CACNB3: variants seen among roughly 807,000 people sequenced by gnomAD.
CACNB3 encodes calcium voltage-gated channel auxiliary subunit beta 3, also known as voltage-dependent L-type calcium channel subunit beta-3.
CACNB3 carries 36 observed loss-of-function variants against 63.7 expected under a neutral mutation model. The observed-to-expected ratio is 0.57, with a 90% CI of 0.43 to 0.75. The LOEUF is 0.75. Among genes scored for constraint, CACNB3 ranks in the 30% least tolerant of loss-of-function variants. The probability of loss-of-function intolerance (pLI) is 0.00; values close to 1 mark genes in which losing one functional copy is unlikely to be tolerated. For missense variants in CACNB3, 493 were observed against 648.6 expected, an observed-to-expected ratio of 0.76 and a Z score of 2.61; for synonymous variants, 241 against 250.6, an observed-to-expected ratio of 0.96 and a Z score of 0.36.
upstream of CACNB3, chr12:48,816,741 A>C: frequency 1.9e-6 from 1 of 538,516 alleles, no homozygotes; most frequent in Non-Finnish European, 2.4e-6. Context: ...AGTGCTGCCG[A>C]TGGCAGATCC....
At position 48,818,749 on chromosome 12, in the gene CACNB3, T is replaced by C; in HGVS notation, c.-181T>C. 1 of 1,325,910 alleles carries C rather than the reference T, an allele frequency of 7.5e-7. No individual in the cohort carries two copies. The highest frequency in any genetic ancestry group is 2.0e-5 in the South Asian group (1 of 50,580). 82.1% of individuals were successfully genotyped at this position (1,325,910 alleles called of 1,614,324 possible). On this transcript the variant is annotated 5_prime_UTR_variant, in exon 1 of 13. Transcript: ENST00000301050. The surrounding 1 kb of genome is among the most constrained non-coding windows in gnomAD (Gnocchi z 4.3). ...GGGTGGGGTGGGGGGAGCGGTGATCTGAGCTCCGAGCAGCTGGTCTTCGCG... is the reference window on the plus strand; with the variant it reads ...GGGTGGGGTGGGGGGAGCGGTGATCCGAGCTCCGAGCAGCTGGTCTTCGCG...
At chr12:48,814,554 G>A (rs1283652214), upstream of CACNB3, 1 of 1,524,414 alleles carries the variant, frequency 6.6e-7, no homozygotes, top group Admixed American at 2.0e-5. The surrounding 1 kb of genome is among the most constrained non-coding windows in gnomAD (Gnocchi z 6.9). Context: ...CAGGATGGAG[G>A]TAGGGACGGG....
At chr12:48,819,621 C>G (rs534950727) in intron 1 of CACNB3, 201 of 447,634 alleles carry the variant, frequency 4.5e-4, no homozygotes, top group Admixed American at 8.9e-4. Flanking sequence ...TGACTGAGCC[C>G]CATCTATTCC....
upstream of CACNB3, chr12:48,818,488 CCT>C: frequency 1.0e-6 from 1 of 998,196 alleles, no homozygotes; most frequent in Non-Finnish European, 1.2e-6. The surrounding 1 kb of genome is among the most constrained non-coding windows in gnomAD (Gnocchi z 4.3). Flanking sequence ...CTGCCCGCAG[CCT>C]CTCCTCCCCT....
In CACNB3 at chr12:48,818,628, T is replaced by C; in HGVS notation, c.-302T>C. On this transcript the variant is annotated 5_prime_UTR_variant, in exon 1 of 13. Transcript: ENST00000301050. This position sits in a 1 kb window ranked among gnomAD's most constrained non-coding sequence, Gnocchi z 4.3. ...CCGCCCCCTCGCCGCCCCCGCCTTCTCCCGGGGAGGGGGTCAGGTGGGCGG... is the reference window on the plus strand; with the variant it reads ...CCGCCCCCTCGCCGCCCCCGCCTTCCCCCGGGGAGGGGGTCAGGTGGGCGG... The C allele has an allele frequency of 9.0e-7, 1 of 1,105,958 alleles. No individual in the cohort carries two copies. Among genetic ancestry groups the C allele is most frequent in the South Asian group, 3.5e-5 (1 of 28,194 alleles). 68.5% of individuals were successfully genotyped at this position (1,105,958 alleles called of 1,614,324 possible).
rs1938127730 is a variant in CACNB3 at position 48,826,177 on chromosome 12, T to C, written c.743-190T>C. ...CCTCCTTGTCTTTCTGCCCAACTCCTCTACCTGCCCCCAGGATTGGCAAGA... is the reference window on the plus strand; with the variant it reads ...CCTCCTTGTCTTTCTGCCCAACTCCCCTACCTGCCCCCAGGATTGGCAAGA... On this transcript the variant is annotated intron_variant, in intron 9 of 12. Coordinates refer to ENST00000301050, the MANE Select transcript of CACNB3 (RefSeq NM_000725.4). The surrounding 1 kb of genome is among the most constrained non-coding windows in gnomAD (Gnocchi z 4.8). 3 of 611,678 alleles carry C rather than the reference T, an allele frequency of 4.9e-6. No homozygotes were observed. In the Admixed American group the frequency reaches 8.6e-5, roughly 18 times the overall value. The allele number at this position is 611,678 out of a possible 1,614,324, so 37.9% of individuals were successfully genotyped here.
rs1238145087 is a variant in CACNB3 at position 48,824,656 on chromosome 12, CCTTT to C, written c.408-9_408-6del. 1 of 1,611,780 alleles carries C rather than the reference CCTTT, an allele frequency of 6.2e-7. No individual in the cohort carries two copies. Among genetic ancestry groups the C allele is most frequent in the East Asian group, 2.2e-5 (1 of 44,846 alleles). ...TTCTTCTCTCTCTCTCTTTCACCTC[CCTTT>C]CTTCTCAGGAGATCTGGGAACCCTT... On this transcript the variant is annotated splice_polypyrimidine_tract_variant and intron_variant, in intron 4 of 12. Transcript: ENST00000301050.
rs1270689803 is a variant in CACNB3 at position 48,826,789 on chromosome 12, A to G, written c.925A>G (p.Lys309Glu). The change falls in exon 11 of 13, where the codon AAG becomes GAG. Residue 309 changes from lysine (K) to glutamate (E), a missense_variant. Physicochemically the swap from Lys to Glu is moderately conservative, Grantham distance 56. Coordinates refer to ENST00000301050, the MANE Select transcript of CACNB3 (RefSeq NM_000725.4). The surrounding 1 kb of genome is among the most constrained non-coding windows in gnomAD (Gnocchi z 4.8). Reference sequence around the variant, plus strand: ...CCAGCGTCTCATTCGCTCCCGGGGGAAGTCACAGATGAAGCACCTGACCGT... The same window carrying G: ...CCAGCGTCTCATTCGCTCCCGGGGGGAGTCACAGATGAAGCACCTGACCGT... ...VLQRLIRSRG[K>E]SQMKHLTVQM... The G allele has an allele frequency of 1.2e-6, 2 of 1,613,834 alleles. No homozygotes were observed. Among genetic ancestry groups the G allele is most frequent in the Non-Finnish European group, 1.7e-6 (2 of 1,179,954 alleles).
chr12:48,819,074 G>T (rs1279659873), intron 1 of CACNB3, 100 bp downstream of exon 1: 14 of 1,298,832 alleles, frequency 1.1e-5, no homozygotes, highest in Non-Finnish European at 1.5e-5. Context: ...ACGCCTCAGT[G>T]GCAGGGCAGG....
chr12:48,820,169 A>C (rs765447765), intron 1 of CACNB3: 2 of 155,730 alleles, frequency 1.3e-5, no homozygotes, highest in Non-Finnish European at 2.9e-5. Flanking sequence ...GGCTAATTAC[A>C]TTGCCGCTAG....
At position 48,823,929 on chromosome 12, in the gene CACNB3, A is replaced by C. The variant is rs770350566; in HGVS notation, c.291+126A>C. On this transcript the variant is annotated intron_variant, in intron 3 of 12. Coordinates refer to ENST00000301050, the MANE Select transcript of CACNB3 (RefSeq NM_000725.4). The surrounding 1 kb of genome is among the most constrained non-coding windows in gnomAD (Gnocchi z 4.2). ...GCTAATCAGCTCTTCTCCTTAACAC[A>C]CACCTGTCCACCCCTCATATCTAAG... The C allele has an allele frequency of 1.9e-5, 22 of 1,176,704 alleles. No homozygotes were observed. The highest frequency in any genetic ancestry group is 2.5e-5 in the Non-Finnish European group (21 of 826,912). The allele number at this position is 1,176,704 out of a possible 1,614,324, so 72.9% of individuals were successfully genotyped here. A position where few individuals can be genotyped will look rare whatever the true frequency, so the allele number is the denominator to read the frequency against.
At chr12:48,822,390 AC>A (rs1256230086) in intron 1 of CACNB3, among the ~76,000 whole-genome samples, 1 of 152,052 alleles carries the variant, frequency 6.6e-6, no homozygotes, top group Non-Finnish European at 1.5e-5. Flanking sequence ...CGTCAAATGC[AC>A]CCTCATTGCC....
Position 48,826,462 on chromosome 12 carries a change from C to A in CACNB3, c.838C>A (p.Leu280Met). 3.7e-6 allele frequency: 6 copies of A among 1,614,184 alleles called. No homozygotes were observed. Among genetic ancestry groups the A allele is most frequent in the Non-Finnish European group, 5.1e-6 (6 of 1,180,040 alleles). The change falls in exon 10 of 13, where the codon CTG becomes ATG. Residue 280 changes from leucine to methionine, a missense_variant. Transcript: ENST00000301050. The surrounding 1 kb of genome is among the most constrained non-coding windows in gnomAD (Gnocchi z 4.8). ...TGACACCATCAACCACCCAGCACAG[C>A]TGGCCAAGACCTCGCTGGCCCCCAT... Reference protein sequence around the residue: ...DADTINHPAQLAKTSLAPIIV... With the variant: ...DADTINHPAQMAKTSLAPIIV...
upstream of CACNB3, chr12:48,815,542 G>A (rs936581677): frequency 1.3e-6 from 2 of 1,496,226 alleles, no homozygotes; most frequent in East Asian, 2.5e-5. Flanking sequence ...CCAGGGGAGA[G>A]GGAAGGGAGC....
Position 48,825,502 on chromosome 12 carries a change from C to A in CACNB3, c.632+10C>A. 1 of 1,614,152 alleles carries A rather than the reference C, an allele frequency of 6.2e-7. No homozygotes were observed. The highest frequency in any genetic ancestry group is 2.2e-5 in the East Asian group (1 of 44,880). ...ACAGATTTGATGGCAGGTAAGCTGC[C>A]CTGGCCTGAGGTGGCCTGAGAACCA... On this transcript the variant is annotated intron_variant, in intron 8 of 12. Coordinates refer to ENST00000301050, the MANE Select transcript of CACNB3 (RefSeq NM_000725.4). This position sits in a 1 kb window ranked among gnomAD's most constrained non-coding sequence, Gnocchi z 4.5.
chr12:48,823,497 AG>A lies in CACNB3; in HGVS notation c.168+33del, dbSNP rs1937963413. 1.2e-6 allele frequency: 2 copies of A among 1,609,036 alleles called. No homozygotes were observed. The highest frequency in any genetic ancestry group is 1.3e-5 in the African/African-American group (1 of 74,822). ...CTTTCTGGGCATGGGGCAAGACAGG[AG>A]GCCAAGCTAGGTGGAAACCTGCACT... On this transcript the variant is annotated intron_variant, in intron 2 of 12. Coordinates refer to ENST00000301050, the MANE Select transcript of CACNB3 (RefSeq NM_000725.4). This position sits in a 1 kb window ranked among gnomAD's most constrained non-coding sequence, Gnocchi z 4.2.
In CACNB3 at chr12:48,823,873, T is replaced by C; in HGVS notation, c.291+70T>C. 1 of 1,596,364 alleles carries C rather than the reference T, an allele frequency of 6.3e-7. No homozygotes were observed. The highest frequency in any genetic ancestry group is 8.6e-7 in the Non-Finnish European group (1 of 1,168,220). On this transcript the variant is annotated intron_variant, in intron 3 of 12. Transcript: ENST00000301050. The surrounding 1 kb of genome is among the most constrained non-coding windows in gnomAD (Gnocchi z 4.2). Reference sequence around the variant, plus strand: ...TGCTCTTGCTCCAGATCCTAATGCTTCTGACTTGAATCCTCAGTCTAATTC... The same window carrying C: ...TGCTCTTGCTCCAGATCCTAATGCTCCTGACTTGAATCCTCAGTCTAATTC...
chr12:48,828,883 A>G lies in CACNB3; in HGVS notation c.*984A>G, dbSNP rs1938294606. On this transcript the variant is annotated 3_prime_UTR_variant, in exon 13 of 13. Coordinates refer to ENST00000301050, the MANE Select transcript of CACNB3 (RefSeq NM_000725.4). ...GGCTCTAGTGTGTGACCTACAGAGC[A>G]TGCTCCACAAGCCCCTGCCTCACCT... 2.5e-6 allele frequency: 1 copy of G among 401,524 alleles called. No homozygotes were observed. Among genetic ancestry groups the G allele is most frequent in the Non-Finnish European group, 5.0e-6 (1 of 201,104 alleles). The allele number at this position is 401,524 out of a possible 1,614,324, so 24.9% of individuals were successfully genotyped here.
intron 5 of CACNB3, 103 bp downstream of exon 5, chr12:48,824,836 G>T: frequency 6.5e-7 from 1 of 1,527,002 alleles, no homozygotes; most frequent in African/African-American, 1.4e-5. Context: ...GTTTGTGGAG[G>T]GATTGGAAGG....
Sources: allele counts gnomAD v4.1 joint callset (sites outside exome capture counted in the v4.1 genomes callset), GRCh38; gene constraint gnomAD v4.1.1; non-coding constraint Gnocchi (gnomAD v3.1); transcripts MANE v1.5; gene names NCBI Gene and HGNC (gene_info 2026-07-23, HGNC 2026-07-21).